Variants in RABGAP1L observed in about 807,000 individuals in gnomAD.
The protein encoded by RABGAP1L is rab GTPase-activating protein 1-like.
A neutral mutation model predicts 137.7 loss-of-function variants in RABGAP1L; 63 were observed. That is an observed-to-expected ratio of 0.46 (90% CI 0.37 to 0.56). RABGAP1L has a LOEUF of 0.56. Among genes scored for constraint, RABGAP1L ranks in the 20% least tolerant of loss-of-function variants. The pLI is 0.00. For synonymous variants in RABGAP1L, 431 were observed against 433.7 expected (o/e 0.99, Z 0.08); for missense variants, 1,095 against 1,244.0 (o/e 0.88, Z 1.80).
chr1:174,540,434 A>G (rs1302926043), intron 13 of RABGAP1L, among the ~76,000 whole-genome samples: 1 of 152,168 alleles, frequency 6.6e-6, no homozygotes, highest in Non-Finnish European at 1.5e-5. Flanking sequence ...TAGGTCTAAC[A>G]TTTAAGTCTT....
chr1:174,910,501 A>G (rs1659881976), intron 19 of RABGAP1L, among the ~76,000 whole-genome samples: 1 of 152,208 alleles, frequency 6.6e-6, no homozygotes, highest in African/African-American at 2.4e-5. Flanking sequence ...GACCAGAACA[A>G]GACAAGGATG....
At chr1:174,770,619 G>A (rs1686040155) in intron 18 of RABGAP1L, among the ~76,000 whole-genome samples, 1 of 152,108 alleles carries the variant, frequency 6.6e-6, no homozygotes, top group Non-Finnish European at 1.5e-5. Context: ...AAAAAATCCA[G>A]TTTCCTCCTT....
chr1:174,914,613 C>G (rs764085002), intron 19 of RABGAP1L, among the ~76,000 whole-genome samples: 6 of 152,020 alleles, frequency 3.9e-5, no homozygotes, highest in Non-Finnish European at 8.8e-5. Flanking sequence ...TAGTGGTTTC[C>G]CTTTCTTTAC....
At chr1:174,464,447 G>T (rs1657070316) in intron 13 of RABGAP1L, among the ~76,000 whole-genome samples, 1 of 152,150 alleles carries the variant, frequency 6.6e-6, no homozygotes, top group African/African-American at 2.4e-5. Context: ...ATACTATGCT[G>T]CCTTCAATGA....
At chr1:174,306,124 G>A (rs6657341) in intron 11 of RABGAP1L, among the ~76,000 whole-genome samples, 87,131 of 152,066 alleles carry the variant, frequency 0.57, 27,380 homozygotes, top group African/African-American at 0.85. Context: ...ATAGTATTCC[G>A]TGGTGTATAT....
intron 19 of RABGAP1L, among the ~76,000 whole-genome samples, chr1:174,822,086 C>A (rs1305346991): frequency 2.0e-5 from 3 of 152,186 alleles, no homozygotes; most frequent in South Asian, 2.1e-4. Context: ...CACAGTGAAA[C>A]CCTGTCTCTA....
At chr1:174,973,934 G>T (rs1325477503) in intron 21 of RABGAP1L, among the ~76,000 whole-genome samples, 3 of 146,542 alleles carry the variant, frequency 2.0e-5, no homozygotes, top group African/African-American at 7.5e-5. Flanking sequence ...GAGAGAGTTG[G>T]TTCAGTTTTT....
chr1:174,288,281 ATC>A (rs1259899743), intron 10 of RABGAP1L, among the ~76,000 whole-genome samples: 1 of 138,724 alleles, frequency 7.2e-6, no homozygotes, highest in East Asian at 1.9e-4. Flanking sequence ...GATTTTGACT[ATC>A]TATTTGCTTT....
At chr1:174,335,259 G>T (rs994701867) in intron 11 of RABGAP1L, among the ~76,000 whole-genome samples, 17 of 152,172 alleles carry the variant, frequency 1.1e-4, no homozygotes, top group African/African-American at 3.9e-4. Context: ...TTCCTGCTGT[G>T]GGGAATTAGA....
chr1:174,766,759 G>T (rs1429001178), intron 18 of RABGAP1L, among the ~76,000 whole-genome samples: 1 of 152,140 alleles, frequency 6.6e-6, no homozygotes, highest in Non-Finnish European at 1.5e-5. Flanking sequence ...CTTGACAAGG[G>T]CATCTCAGAG....
intron 13 of RABGAP1L, among the ~76,000 whole-genome samples, chr1:174,455,616 G>A (rs1655954795): frequency 1.3e-5 from 2 of 151,942 alleles, no homozygotes; most frequent in African/African-American, 4.8e-5. Context: ...GTTCTTAATA[G>A]AGTTCTAAGT....
chr1:174,374,126 G>A (rs1455941664), intron 12 of RABGAP1L, among the ~76,000 whole-genome samples: 9 of 152,162 alleles, frequency 5.9e-5, no homozygotes, highest in Non-Finnish European at 1.3e-4. Flanking sequence ...GATAGTATTG[G>A]ATGTAATGGT....
intron 14 of RABGAP1L, among the ~76,000 whole-genome samples, chr1:174,666,310 G>T (rs1408526203): frequency 6.6e-6 from 1 of 152,168 alleles, no homozygotes; most frequent in East Asian, 1.9e-4. Flanking sequence ...CTAATAAATG[G>T]CAAATTGCTA....
chr1:174,203,217 G>T (rs571655366), intron 1 of RABGAP1L, among the ~76,000 whole-genome samples: 1 of 152,076 alleles, frequency 6.6e-6, no homozygotes, highest in Admixed American at 6.5e-5. Context: ...TCAGTGTTCT[G>T]TGTGTGGCTA....
intron 14 of RABGAP1L, among the ~76,000 whole-genome samples, chr1:174,657,844 G>A (rs946847394): frequency 6.6e-6 from 1 of 152,054 alleles, no homozygotes; most frequent in Non-Finnish European, 1.5e-5. Flanking sequence ...GCCCCAATTT[G>A]TATCTACCTT....
At chr1:174,610,777 G>C (rs1275389108) in intron 13 of RABGAP1L, among the ~76,000 whole-genome samples, 1 of 152,138 alleles carries the variant, frequency 6.6e-6, no homozygotes, top group Non-Finnish European at 1.5e-5. Context: ...TCTCATTGTG[G>C]TTTTGATTTG....
chr1:174,924,301 C>G (rs1662320304), intron 19 of RABGAP1L, among the ~76,000 whole-genome samples: 1 of 142,412 alleles, frequency 7.0e-6, no homozygotes, highest in Non-Finnish European at 1.5e-5. Context: ...GCAGGAGAAT[C>G]TCTTGAACCC....
chr1:174,539,397 C>G (rs1006234024), intron 13 of RABGAP1L, among the ~76,000 whole-genome samples: 2 of 151,876 alleles, frequency 1.3e-5, no homozygotes, highest in Non-Finnish European at 2.9e-5. Context: ...TACCCATTAA[C>G]TTGTCATTTA....
At chr1:174,928,301 T>C (rs539883435) in intron 19 of RABGAP1L, among the ~76,000 whole-genome samples, 1 of 152,086 alleles carries the variant, frequency 6.6e-6, no homozygotes, top group East Asian at 1.9e-4. Context: ...TTGTACATCC[T>C]CCTATGCCAT....
Sources: gnomAD v4.1 joint callset for allele counts (sites outside exome capture counted in the v4.1 genomes callset) on GRCh38, gnomAD v4.1.1 for gene constraint, MANE v1.5 for transcripts, NCBI Gene and HGNC (gene_info 2026-07-23, HGNC 2026-07-21) for gene names.